BICC1: variants seen among roughly 807,000 people sequenced by gnomAD.
BICC1 encodes the protein protein bicaudal C homolog 1.
A neutral mutation model predicts 111.0 loss-of-function variants in BICC1; 43 were observed. The observed-to-expected ratio is 0.39, with a 90% CI of 0.30 to 0.50. The LOEUF (loss-of-function observed/expected upper bound fraction) is 0.50, where lower values mean the gene tolerates loss of function less well. Among genes scored for constraint, BICC1 ranks in the 20% least tolerant of loss-of-function variants. The probability of loss-of-function intolerance (pLI) is 0.88; values close to 1 mark genes in which losing one functional copy is unlikely to be tolerated. For missense variants in BICC1, 1,091 were observed against 1,203.2 expected, an observed-to-expected ratio of 0.91 and a Z score of 1.38; for synonymous variants, 467 against 434.4, an observed-to-expected ratio of 1.07 and a Z score of -0.93.
At chr10:58,571,867 T>G (rs1658423) in intron 1 of BICC1, among the ~76,000 whole-genome samples, 76,844 of 151,904 alleles carry the variant, frequency 0.51, 19,705 homozygotes, top group Admixed American at 0.65. Context: ...GGGATTATTG[T>G]GTCGAATGGT....
chr10:58,526,212 A>C (rs748873317), intron 1 of BICC1, among the ~76,000 whole-genome samples: 1 of 151,928 alleles, frequency 6.6e-6, no homozygotes, highest in Non-Finnish European at 1.5e-5. Flanking sequence ...AGAAAAAAAA[A>C]AGCTGTAAAC....
chr10:58,674,304 G>GT lies in BICC1; in HGVS notation c.238-27759dup, dbSNP rs1363625434. ...ATTTATCCTTGTCATTGTACTATTG[G>GT]TTTTTTTTTTTCGTGGTAGAGTGAA... On this transcript the variant is annotated intron_variant, in intron 2 of 20. Coordinates refer to ENST00000373886, the MANE Select transcript of BICC1 (RefSeq NM_001080512.3). Among the ~76,000 whole-genome samples the GT allele has an allele frequency of 6.2e-4, 91 of 147,554 alleles. No individual in the cohort carries two copies. In the Middle Eastern group the frequency reaches 0.011, roughly 17 times the overall value.
intron 1 of BICC1, among the ~76,000 whole-genome samples, chr10:58,540,766 A>G (rs1254555237): frequency 1.3e-5 from 2 of 152,058 alleles, no homozygotes; most frequent in Admixed American, 1.3e-4. Context: ...TACAAGGTCA[A>G]CATTACTCTG....
chr10:58,816,607 G>A (rs1247073717), intron 18 of BICC1, among the ~76,000 whole-genome samples: 1 of 152,082 alleles, frequency 6.6e-6, no homozygotes, highest in African/African-American at 2.4e-5. Flanking sequence ...GCTTTGGTCA[G>A]TGTTGTCCTC....
chr10:58,708,459 G>A (rs749955892), intron 3 of BICC1, among the ~76,000 whole-genome samples: 69 of 152,188 alleles, frequency 4.5e-4, no homozygotes, highest in Non-Finnish European at 7.4e-4. Flanking sequence ...CACACATGGA[G>A]TGAGGTTAAG....
Position 58,786,997 on chromosome 10 carries a change from T to C in BICC1, c.462T>C (p.Asn154=). The C allele has an allele frequency of 6.2e-7, 1 of 1,610,208 alleles. No individual in the cohort carries two copies. Among genetic ancestry groups the C allele is most frequent in the South Asian group, 1.1e-5 (1 of 90,452 alleles). Residue 154 remains asparagine, a synonymous_variant, in exon 5 of 21, where the codon AAT becomes AAC. Transcript: ENST00000373886. The part of the protein sequence containing the change: ...HSHVIGKGGN[N]IKKVMEETGC... ...ATGTAATCGGCAAAGGTGGCAACAA[T>C]ATTAAAAAAGTGATGGAAGAAACCG...
At chr10:58,630,689 T>G (rs1837766912) in intron 2 of BICC1, among the ~76,000 whole-genome samples, 1 of 152,192 alleles carries the variant, frequency 6.6e-6, no homozygotes, top group African/African-American at 2.4e-5. Context: ...TCAACTGTGA[T>G]GCATAAAAGA....
At chr10:58,713,092 A>G (rs1196142696) in intron 3 of BICC1, among the ~76,000 whole-genome samples, 2 of 152,210 alleles carry the variant, frequency 1.3e-5, no homozygotes, top group Non-Finnish European at 2.9e-5. Flanking sequence ...TTAAGAAACA[A>G]TCAGAAGTTT....
intron 20 of BICC1, 105 bp from the exon 21 acceptor site, chr10:58,828,656 T>TC: frequency 7.8e-7 from 1 of 1,278,038 alleles, no homozygotes. Context: ...TTGACTTTCC[T>TC]CAAAAAACCT....
At chr10:58,820,107 G>T (rs1258430115) in intron 19 of BICC1, among the ~76,000 whole-genome samples, 1 of 152,068 alleles carries the variant, frequency 6.6e-6, no homozygotes, top group East Asian at 1.9e-4. Flanking sequence ...CCTTTTATCA[G>T]TTCACAAAAA....
At chr10:58,688,554 C>T (rs1839816380) in intron 2 of BICC1, among the ~76,000 whole-genome samples, 1 of 152,164 alleles carries the variant, frequency 6.6e-6, no homozygotes, top group Non-Finnish European at 1.5e-5. Context: ...GATTATAAAT[C>T]ATTTTGCTAT....
At chr10:58,656,560 A>T (rs891232857) in intron 2 of BICC1, among the ~76,000 whole-genome samples, 1 of 151,034 alleles carries the variant, frequency 6.6e-6, no homozygotes, top group Non-Finnish European at 1.5e-5. Context: ...CAAATCAATA[A>T]ATGTAATCCA....
rs553099201 is a variant in BICC1 at position 58,601,886 on chromosome 10, C to A, written c.191-18969C>A. 9.7e-4 allele frequency among the ~76,000 whole-genome samples: 148 copies of A among 152,036 alleles called. 1 individual carries two copies. Among genetic ancestry groups the A allele is most frequent in the African/African-American group, 3.5e-3 (144 of 41,500 alleles). On this transcript the variant is annotated intron_variant, in intron 1 of 20. Transcript: ENST00000373886. ...CAAAAATTTATTTTCAAATCTTTCT[C>A]GAATTAATCTAAGCAGATTTAGCAA...
intron 1 of BICC1, among the ~76,000 whole-genome samples, chr10:58,566,529 A>C (rs537919336): frequency 5.3e-5 from 8 of 152,262 alleles, no homozygotes; most frequent in African/African-American, 1.9e-4. Flanking sequence ...CAATAGTAGG[A>C]TCGCTGGATC....
chr10:58,515,822 G>A (rs1292985991), intron 1 of BICC1, among the ~76,000 whole-genome samples: 1 of 152,142 alleles, frequency 6.6e-6, no homozygotes, highest in Non-Finnish European at 1.5e-5. Context: ...TGCCCACAGT[G>A]TTTGGTCAAT....
intron 3 of BICC1, among the ~76,000 whole-genome samples, chr10:58,751,206 G>A (rs1841982987): frequency 2.6e-5 from 4 of 152,036 alleles, no homozygotes; most frequent in South Asian, 4.1e-4. Flanking sequence ...TGCTCCTTTA[G>A]TGTTTTGTTT....
intron 2 of BICC1, among the ~76,000 whole-genome samples, chr10:58,645,824 C>T (rs1248184025): frequency 6.6e-6 from 1 of 152,318 alleles, no homozygotes; most frequent in South Asian, 2.1e-4. Flanking sequence ...AAGAAAACAA[C>T]TCCATCTTGC....
intron 2 of BICC1, among the ~76,000 whole-genome samples, chr10:58,690,632 C>T (rs185761119): frequency 2.0e-5 from 3 of 152,280 alleles, no homozygotes; most frequent in Non-Finnish European, 1.5e-5. Flanking sequence ...TAATCCTTAC[C>T]TCCTTGCCTG....
Position 58,789,737 on chromosome 10 carries a change from C to T in BICC1, c.851C>T (p.Pro284Leu). Residue 284 changes from proline (P) to leucine (L), a missense_variant, in exon 8 of 21, where the codon CCT becomes CTT. By Grantham distance (98) the Pro-to-Leu change is moderately conservative. Coordinates refer to ENST00000373886, the MANE Select transcript of BICC1 (RefSeq NM_001080512.3). ...HLAGSLASAI[P>L]VSTQLDIAAQ... Reference sequence around the variant, plus strand: ...GCTGGGAGCTTAGCATCAGCTATTCCTGTGAGCACACAACTAGATATTGCA... The same window carrying T: ...GCTGGGAGCTTAGCATCAGCTATTCTTGTGAGCACACAACTAGATATTGCA... The T allele has an allele frequency of 6.2e-7, 1 of 1,614,122 alleles. No individual in the cohort carries two copies. Among genetic ancestry groups the T allele is most frequent in the Non-Finnish European group, 8.5e-7 (1 of 1,179,994 alleles).
Sources: allele counts gnomAD v4.1 joint callset (sites outside exome capture counted in the v4.1 genomes callset), GRCh38; gene constraint gnomAD v4.1.1; transcripts MANE v1.5; gene names NCBI Gene and HGNC (gene_info 2026-07-23, HGNC 2026-07-21).